Variants in NXPE4 observed in about 807,000 individuals in gnomAD.
NXPE4 encodes the protein neurexophilin and PC-esterase domain family member 4, also known as NXPE family member 4.
A neutral mutation model predicts 33.3 loss-of-function variants in NXPE4; 42 were observed. That is an observed-to-expected ratio of 1.26 (90% CI 0.98 to 1.63). NXPE4 has a LOEUF of 1.63. Among genes scored for constraint, NXPE4 ranks in the 40% most tolerant of loss-of-function variants. NXPE4 has a pLI of 0.00. For synonymous variants in NXPE4, 253 were observed against 234.9 expected (o/e 1.08, Z -0.71); for missense variants, 709 against 647.6 (o/e 1.09, Z -1.03).
At chr11:114,615,613 A>C in the NXPE4 span, among the ~76,000 whole-genome samples, 6 of 149,050 alleles carry the variant, frequency 4.0e-5, no homozygotes, top group African/African-American at 1.3e-4. Context: ...ATGGGTAACC[A>C]CTGGTACCTG....
intron 1 of NXPE4, among the ~76,000 whole-genome samples, chr11:114,595,053 C>T (rs1949549055): frequency 6.6e-6 from 1 of 152,220 alleles, no homozygotes; most frequent in East Asian, 1.9e-4. Flanking sequence ...CAAGCTTGCT[C>T]GTGTCTAGAT....
the NXPE4 span, among the ~76,000 whole-genome samples, chr11:114,642,040 A>C: frequency 5.3e-5 from 8 of 152,056 alleles, no homozygotes; most frequent in Non-Finnish European, 1.2e-4. Context: ...CTGCATAGTT[A>C]TTTCTTTCCA....
chr11:114,667,542 G>A, the NXPE4 span, among the ~76,000 whole-genome samples: 1 of 152,080 alleles, frequency 6.6e-6, no homozygotes, highest in African/African-American at 2.4e-5. Flanking sequence ...AATATAATTT[G>A]GTGGAAGTCA....
the NXPE4 span, among the ~76,000 whole-genome samples, chr11:114,674,118 C>T: frequency 1.0e-5 from 1 of 100,312 alleles, no homozygotes; most frequent in African/African-American, 3.3e-5. Flanking sequence ...AACAAACAAA[C>T]AAACAAACAA....
chr11:114,583,858 A>G, intron 2 of NXPE4: 1 of 394,370 alleles, frequency 2.5e-6, no homozygotes, highest in Non-Finnish European at 4.9e-6. Context: ...ATAAATATGG[A>G]GAGTACTTCC....
At chr11:114,661,591 C>T in the NXPE4 span, among the ~76,000 whole-genome samples, 2 of 152,182 alleles carry the variant, frequency 1.3e-5, no homozygotes, top group Non-Finnish European at 2.9e-5. Flanking sequence ...TGTAGAACAT[C>T]CCATTCTGGA....
At chr11:114,621,395 G>A in the NXPE4 span, among the ~76,000 whole-genome samples, 2 of 152,150 alleles carry the variant, frequency 1.3e-5, no homozygotes, top group African/African-American at 4.8e-5. Context: ...TATCTCGTGG[G>A]TAACCACAGT....
chr11:114,611,524 T>A, the NXPE4 span, among the ~76,000 whole-genome samples: 3 of 151,974 alleles, frequency 2.0e-5, no homozygotes, highest in African/African-American at 7.2e-5. Flanking sequence ...TAACCACTGT[T>A]ACCCGGTTTA....
In NXPE4 at chr11:114,580,281, C is replaced by G; in HGVS notation, c.950G>C (p.Ser317Thr). 6.2e-7 allele frequency: 1 copy of G among 1,614,070 alleles called. No individual in the cohort carries two copies. The highest frequency in any genetic ancestry group is 1.1e-5 in the South Asian group (1 of 91,074). ...CCATGTGTTTCTCCAGACATGCCCA[C>G]TGGGGATTGTGGATGTCATTCCAAA... ...CKFGMTSTIP[S>T]GHVWRNTWNP... The change falls in exon 5 of 6, where the codon AGT (serine) becomes ACT (threonine). Residue 317 changes from serine to threonine, a missense_variant. Transcript: ENST00000375478.
At position 114,582,703 on chromosome 11, in the gene NXPE4, T is replaced by C. The variant is rs1465965746; in HGVS notation, c.415A>G (p.Arg139Gly). Residue 139 changes from arginine (R) to glycine (G), a missense_variant, in exon 3 of 6, where the codon AGG becomes GGG. By Grantham distance (125) the Arg-to-Gly change is moderately radical. Coordinates refer to ENST00000375478, the MANE Select transcript of NXPE4 (RefSeq NM_001077639.2). ...RRKQYGGDFLRARMSSPALMA... is the reference protein window; with the variant it reads ...RRKQYGGDFLGARMSSPALMA... ...AGCGCTGGGGAAGACATCCTGGCCC[T>C]CAGGAAATCCCCGCCATATTGCTTC... 1 of 1,614,084 alleles carries C rather than the reference T, an allele frequency of 6.2e-7. No homozygotes were observed. The highest frequency in any genetic ancestry group is 1.7e-5 in the Admixed American group (1 of 60,028).
chr11:114,629,281 G>C, the NXPE4 span, among the ~76,000 whole-genome samples: 1 of 152,024 alleles, frequency 6.6e-6, no homozygotes, highest in East Asian at 1.9e-4. Flanking sequence ...ATAAAATACT[G>C]GCAAACGGAA....
the NXPE4 span, among the ~76,000 whole-genome samples, chr11:114,610,295 T>C: frequency 2.6e-5 from 4 of 151,400 alleles, no homozygotes; most frequent in Non-Finnish European, 2.9e-5. Flanking sequence ...TAATAAGTGT[T>C]GCCTAGTGTG....
chr11:114,674,987 G>A, the NXPE4 span, among the ~76,000 whole-genome samples: 1 of 151,732 alleles, frequency 6.6e-6, no homozygotes, highest in Non-Finnish European at 1.5e-5. Flanking sequence ...TGGATGCAAG[G>A]ATGGTTCAAC....
At position 114,580,441 on chromosome 11, in the gene NXPE4, T is replaced by G. The variant is rs767113254; in HGVS notation, c.893-103A>C. 3.3e-4 allele frequency: 283 copies of G among 850,226 alleles called. 1 individual carries two copies. Among genetic ancestry groups the G allele is most frequent in the Non-Finnish European group, 4.9e-4 (258 of 531,252 alleles). The allele number at this position is 850,226 out of a possible 1,614,324, so 52.7% of individuals were successfully genotyped here. A position where few individuals can be genotyped will look rare whatever the true frequency, so the allele number is the denominator to read the frequency against. On this transcript the variant is annotated intron_variant, in intron 4 of 5. Coordinates refer to ENST00000375478, the MANE Select transcript of NXPE4 (RefSeq NM_001077639.2). The stretch of plus-strand genomic sequence containing the variant: ...CTAAGTATCCTAAGAGGGGGTAAGG[T>G]GGTGGTAATGGTGGAAAAAGTATTA...
chr11:114,638,904 G>GGGGGGCA, the NXPE4 span, among the ~76,000 whole-genome samples: 1 of 151,500 alleles, frequency 6.6e-6, no homozygotes, highest in Admixed American at 6.6e-5. Flanking sequence ...TAGGCTGCTT[G>GGGGGGCA]GGGGTCAGGG....
chr11:114,571,001 ATTATTTGTGC>A lies in NXPE4; in HGVS notation c.1562_1571del (p.Gly521ValfsTer8). On this transcript the variant is annotated frameshift_variant, in exon 6 of 6. Transcript: ENST00000375478. LOFTEE classifies it high-confidence loss of function. The stretch of plus-strand genomic sequence containing the variant: ...CGACTACATGTTGAGGTGGGTGTAC[ATTATTTGTGC>A]CATATGCAATTGTTATATCCCAGGC... 6.2e-7 allele frequency: 1 copy of A among 1,613,250 alleles called. No individual in the cohort carries two copies. Among genetic ancestry groups the A allele is most frequent in the African/African-American group, 1.3e-5 (1 of 75,014 alleles).
At chr11:114,591,311 C>A (rs1201537975) in intron 2 of NXPE4, among the ~76,000 whole-genome samples, 1 of 152,144 alleles carries the variant, frequency 6.6e-6, no homozygotes, top group Admixed American at 6.5e-5. Context: ...GCTCATGCTA[C>A]CATTTGGAAG....
At chr11:114,629,187 T>G in the NXPE4 span, among the ~76,000 whole-genome samples, 9 of 152,028 alleles carry the variant, frequency 5.9e-5, no homozygotes, top group Middle Eastern at 3.4e-3. Flanking sequence ...CCAGCATCAT[T>G]CTGATACCAA....
chr11:114,620,943 T>A, the NXPE4 span, among the ~76,000 whole-genome samples: 1 of 152,154 alleles, frequency 6.6e-6, no homozygotes, highest in Non-Finnish European at 1.5e-5. Flanking sequence ...GTAACCACAT[T>A]TACCTGTTGG....
Sources: gnomAD v4.1 joint callset for allele counts (sites outside exome capture counted in the v4.1 genomes callset) on GRCh38, gnomAD v4.1.1 for gene constraint, MANE v1.5 for transcripts, NCBI Gene and HGNC (gene_info 2026-07-23, HGNC 2026-07-21) for gene names.